Variants in MCF2L2 observed in about 807,000 individuals in gnomAD.
The protein encoded by MCF2L2 is MCF.2 cell line derived transforming sequence-like 2.
MCF2L2 carries 102 observed loss-of-function variants against 150.2 expected under a neutral mutation model. The ratio of observed to expected loss-of-function variants is 0.68; its 90% CI spans 0.58 to 0.80. MCF2L2 has a LOEUF of 0.80. Ranked by LOEUF, MCF2L2 falls within the 30% of genes least tolerant of loss-of-function variation. The pLI is 0.00. For synonymous variants in MCF2L2, 465 were observed against 491.3 expected (o/e 0.95, Z 0.71); for missense variants, 1,256 against 1,372.8 (o/e 0.91, Z 1.34).
chr3:183,311,908 T>A, intron 7 of MCF2L2, 136 bp from the exon 8 acceptor site: 2 of 722,128 alleles, frequency 2.8e-6, no homozygotes, highest in Non-Finnish European at 4.4e-6. Context: ...GATGCAGCTT[T>A]AATCAATTAA....
chr3:183,268,859 T>G (rs1253256814), intron 15 of MCF2L2, among the ~76,000 whole-genome samples: 1 of 152,128 alleles, frequency 6.6e-6, no homozygotes, highest in Admixed American at 6.5e-5. Context: ...CTTCCCAGTT[T>G]AGAACATGTT....
At chr3:183,310,500 TC>T in intron 9 of MCF2L2, 1 of 261,094 alleles carries the variant, frequency 3.8e-6, no homozygotes, top group Non-Finnish European at 7.7e-6. Flanking sequence ...AGACTCCAAC[TC>T]AAAAAAAAAA....
At chr3:183,317,191 G>A (rs1005360625) in intron 7 of MCF2L2, among the ~76,000 whole-genome samples, 6 of 152,100 alleles carry the variant, frequency 3.9e-5, no homozygotes, top group South Asian at 2.1e-4. Flanking sequence ...TTGAATAAAC[G>A]AACAAATCAA....
chr3:183,362,388 C>T (rs1410717147), intron 3 of MCF2L2, among the ~76,000 whole-genome samples: 1 of 152,086 alleles, frequency 6.6e-6, no homozygotes, highest in Non-Finnish European at 1.5e-5. Context: ...CAGGCGTGAG[C>T]CACCACACCC....
At chr3:183,276,685 CTT>C in intron 15 of MCF2L2, 185 bp downstream of exon 15, 1 of 464,880 alleles carries the variant, frequency 2.2e-6, no homozygotes, top group Non-Finnish European at 3.9e-6. Context: ...ACTTTAAGCT[CTT>C]TTGCTTGTTG....
intron 17 of MCF2L2, 149 bp from the exon 18 acceptor site, chr3:183,228,515 G>A: frequency 3.7e-6 from 2 of 544,486 alleles, no homozygotes; most frequent in South Asian, 2.7e-5. Flanking sequence ...CATTGATTCA[G>A]AAAAAAAAGC....
At chr3:183,293,489 C>G (rs2108486531) in intron 13 of MCF2L2, among the ~76,000 whole-genome samples, 1 of 152,262 alleles carries the variant, frequency 6.6e-6, no homozygotes, top group South Asian at 2.1e-4. Flanking sequence ...ATCATTCTCT[C>G]AATACATGGA....
chr3:183,412,622 A>G (rs1192572282), intron 1 of MCF2L2, among the ~76,000 whole-genome samples: 2 of 152,132 alleles, frequency 1.3e-5, no homozygotes, highest in African/African-American at 4.8e-5. Flanking sequence ...TTTTTAGTGG[A>G]TTCCCTAGGA....
In MCF2L2 at chr3:183,179,160, G is replaced by T. The variant is rs1721419677; in HGVS notation, c.*220C>A. 1 of 491,764 alleles carries T rather than the reference G, an allele frequency of 2.0e-6. No homozygotes were observed. Among genetic ancestry groups the T allele is most frequent in the Non-Finnish European group, 3.3e-6 (1 of 305,732 alleles). The allele number at this position is 491,764 out of a possible 1,614,324, so 30.5% of individuals were successfully genotyped here. A position where few individuals can be genotyped will look rare whatever the true frequency, so the allele number is the denominator to read the frequency against. On this transcript the variant is annotated 3_prime_UTR_variant, in exon 30 of 30. Transcript: ENST00000328913. This position sits in a 1 kb window ranked among gnomAD's most constrained non-coding sequence, Gnocchi z 4.2. ...TGGGCTGCGGGCTCTGCTCGCCTCTGCAGGCGCCTTAGAGCAGCTCCGAGG... is the reference window on the plus strand; with the variant it reads ...TGGGCTGCGGGCTCTGCTCGCCTCTTCAGGCGCCTTAGAGCAGCTCCGAGG...
chr3:183,188,839 G>T (rs575277537), intron 27 of MCF2L2, among the ~76,000 whole-genome samples: 1 of 152,116 alleles, frequency 6.6e-6, no homozygotes, highest in Non-Finnish European at 1.5e-5. Flanking sequence ...GGTGTGGCAT[G>T]AGCCTGTAAT....
At chr3:183,205,774 C>T in intron 25 of MCF2L2, 102 bp downstream of exon 25, 1 of 851,350 alleles carries the variant, frequency 1.2e-6, no homozygotes, top group Non-Finnish European at 1.9e-6. Context: ...CAGTTGTTTT[C>T]CCAGCAAACC....
At chr3:183,259,087 G>A (rs1341742553) in intron 15 of MCF2L2, among the ~76,000 whole-genome samples, 1 of 152,162 alleles carries the variant, frequency 6.6e-6, no homozygotes, top group Non-Finnish European at 1.5e-5. Flanking sequence ...CGGAACCCAT[G>A]AACGTACACG....
At chr3:183,329,003 C>T (rs1730161878) in intron 5 of MCF2L2, among the ~76,000 whole-genome samples, 1 of 152,042 alleles carries the variant, frequency 6.6e-6, no homozygotes, top group Admixed American at 6.6e-5. Flanking sequence ...TATTAAATGA[C>T]TAATTAAAAA....
chr3:183,234,475 A>G (rs1486052246), intron 15 of MCF2L2, among the ~76,000 whole-genome samples: 1 of 152,176 alleles, frequency 6.6e-6, no homozygotes. Context: ...ATCTCATCCA[A>G]CTGCTTCATT....
chr3:183,414,628 T>C (rs1715491348), intron 1 of MCF2L2, among the ~76,000 whole-genome samples: 1 of 152,210 alleles, frequency 6.6e-6, no homozygotes, highest in African/African-American at 2.4e-5. Context: ...TTTCCTAGTG[T>C]CTTCAGTGTG....
At position 183,352,501 on chromosome 3, in the gene MCF2L2, C is replaced by T. The variant is rs1454513985; in HGVS notation, c.276-10871G>A. On this transcript the variant is annotated intron_variant, in intron 3 of 29. Coordinates refer to ENST00000328913, the MANE Select transcript of MCF2L2 (RefSeq NM_015078.4). Reference sequence around the variant, plus strand: ...TTGTGCCACTGCACTCCGGCCTGGGCGATAGAGAGAGACTTTGTCTCAAAA... The same window carrying T: ...TTGTGCCACTGCACTCCGGCCTGGGTGATAGAGAGAGACTTTGTCTCAAAA... Among the ~76,000 whole-genome samples the T allele has an allele frequency of 5.3e-5, 8 of 152,084 alleles. 1 individual carries two copies. The highest frequency in any genetic ancestry group is 3.3e-4 in the Admixed American group (5 of 15,268).
chr3:183,232,316 A>G (rs905282385), intron 15 of MCF2L2, among the ~76,000 whole-genome samples: 1 of 152,168 alleles, frequency 6.6e-6, no homozygotes, highest in Non-Finnish European at 1.5e-5. Flanking sequence ...ACATGAAAAC[A>G]CAGCCAGCCA....
chr3:183,423,226 G>A (rs1715976522), intron 1 of MCF2L2, among the ~76,000 whole-genome samples: 1 of 152,136 alleles, frequency 6.6e-6, no homozygotes. Context: ...AGTACCAACA[G>A]CTGAGGCATG....
At chr3:183,389,616 C>A in intron 2 of MCF2L2, 80 bp downstream of exon 2, 1 of 1,205,720 alleles carries the variant, frequency 8.3e-7, no homozygotes, top group Non-Finnish European at 1.2e-6. Flanking sequence ...GTATAACATT[C>A]CTCAAGGTTC....
Sources: gnomAD v4.1 joint callset for allele counts (sites outside exome capture counted in the v4.1 genomes callset) on GRCh38, gnomAD v4.1.1 for gene constraint, Gnocchi (gnomAD v3.1) non-coding constraint, MANE v1.5 for transcripts, NCBI Gene and HGNC (gene_info 2026-07-23, HGNC 2026-07-21) for gene names.